Variants in DMRT1 observed in about 807,000 individuals in gnomAD.
DMRT1 encodes doublesex- and mab-3-related transcription factor 1.
DMRT1 carries 7 observed loss-of-function variants against 32.3 expected under a neutral mutation model. The ratio of observed to expected loss-of-function variants is 0.22; its 90% CI spans 0.12 to 0.41. The LOEUF is 0.41. DMRT1 is among the 10% of genes least tolerant of loss of function. DMRT1 has a pLI of 1.00. For missense variants in DMRT1, 625 were observed against 500.5 expected (o/e 1.25, Z -2.37); for synonymous variants, 278 against 206.1 (o/e 1.35, Z -2.99).
chr9:959,155 C>T (rs892118135), intron 4 of DMRT1, among the ~76,000 whole-genome samples: 3 of 152,224 alleles, frequency 2.0e-5, no homozygotes, highest in South Asian at 4.1e-4. Context: ...ATTTCAGAGA[C>T]GACTCGTAGA....
At chr9:886,281 A>T (rs1300874268) in intron 2 of DMRT1, among the ~76,000 whole-genome samples, 1 of 152,078 alleles carries the variant, frequency 6.6e-6, no homozygotes, top group East Asian at 1.9e-4. Flanking sequence ...TTTTGAGCGG[A>T]GTCTCGCTCT....
At chr9:883,853 A>G (rs932393930) in intron 2 of DMRT1, among the ~76,000 whole-genome samples, 2 of 151,996 alleles carry the variant, frequency 1.3e-5, no homozygotes, top group African/African-American at 2.4e-5. Context: ...AGCGCTCAAC[A>G]CAAAGTATTA....
chr9:931,785 T>A (rs1818735519), intron 4 of DMRT1, among the ~76,000 whole-genome samples: 1 of 152,224 alleles, frequency 6.6e-6, no homozygotes, highest in Non-Finnish European at 1.5e-5. Flanking sequence ...AAAGGCCCTG[T>A]CTCCAAATAC....
chr9:857,829 A>T (rs1337055668), intron 2 of DMRT1, among the ~76,000 whole-genome samples: 2 of 122,894 alleles, frequency 1.6e-5, no homozygotes, highest in African/African-American at 6.4e-5. Flanking sequence ...TCCTGTGTCC[A>T]TGTGTTCTCA....
intron 4 of DMRT1, among the ~76,000 whole-genome samples, chr9:933,470 T>C (rs755718069): frequency 1.3e-5 from 2 of 152,176 alleles, no homozygotes; most frequent in Non-Finnish European, 2.9e-5. Flanking sequence ...AAGCCGATGC[T>C]GAATAGAGAG....
intron 2 of DMRT1, among the ~76,000 whole-genome samples, chr9:850,921 C>T (rs113531001): frequency 6.6e-6 from 1 of 150,908 alleles, no homozygotes; most frequent in African/African-American, 2.4e-5. Flanking sequence ...CCCAGCTACT[C>T]GAGAGGCTGA....
chr9:852,384 T>C (rs1046538919), intron 2 of DMRT1, among the ~76,000 whole-genome samples: 6 of 150,696 alleles, frequency 4.0e-5, no homozygotes, highest in African/African-American at 9.8e-5. Flanking sequence ...TTTTGAACTT[T>C]AGCATAAAAT....
rs780064237 is a variant in DMRT1, at chr9:842,230, G to GTTTTTTTTTT, written c.354+52_354+61dup. The stretch of plus-strand genomic sequence containing the variant: ...GTGCGGGAGCCCGGGTTCAGCCTTA[G>GTTTTTTTTTT]TTTTTTTTTTTTTTTTTTTTTTTAG... On this transcript the variant is annotated intron_variant, in intron 1 of 4. Coordinates refer to ENST00000382276, the MANE Select transcript of DMRT1 (RefSeq NM_021951.3). 3.2e-5 allele frequency: 41 copies of GTTTTTTTTTT among 1,267,122 alleles called. 3 individuals are homozygous for GTTTTTTTTTT. In the African/African-American group the frequency reaches 6.7e-4, roughly 21 times the overall value. The allele number at this position is 1,267,122 out of a possible 1,614,324, so 78.5% of individuals were successfully genotyped here. A position where few individuals can be genotyped will look rare whatever the true frequency, so the allele number is the denominator to read the frequency against.
intron 2 of DMRT1, among the ~76,000 whole-genome samples, chr9:875,964 G>C (rs1384138674): frequency 1.3e-5 from 2 of 152,188 alleles, no homozygotes; most frequent in Non-Finnish European, 2.9e-5. Context: ...GATTGGCAGA[G>C]CTGTGTCACC....
In DMRT1 at chr9:885,968, C is replaced by G. The variant is rs146334500; in HGVS notation, c.539-7944C>G. Among the ~76,000 whole-genome samples, 758 of 152,268 alleles carry G rather than the reference C, an allele frequency of 5.0e-3. 7 individuals are homozygous for G. Among genetic ancestry groups the G allele is most frequent in the African/African-American group, 0.016 (683 of 41,564 alleles). On this transcript the variant is annotated intron_variant, in intron 2 of 4. Transcript: ENST00000382276. ...GCACATTCTCTTGAAAACAATGCTG[C>G]TAGCTTTCTGTTATTATTCATTAAG... is the stretch of plus-strand genomic sequence containing the variant.
intron 4 of DMRT1, among the ~76,000 whole-genome samples, chr9:937,507 T>A (rs765745374): frequency 2.0e-5 from 3 of 152,216 alleles, no homozygotes; most frequent in Non-Finnish European, 4.4e-5. Context: ...TCCCAACTCT[T>A]GTTGTTTTCC....
chr9:923,853 C>G (rs536048065), intron 4 of DMRT1, among the ~76,000 whole-genome samples: 1 of 152,118 alleles, frequency 6.6e-6, no homozygotes, highest in Non-Finnish European at 1.5e-5. Context: ...TTAGAAACGA[C>G]TTATTATTTG....
At chr9:853,905 C>G (rs1401808153) in intron 2 of DMRT1, among the ~76,000 whole-genome samples, 2 of 152,086 alleles carry the variant, frequency 1.3e-5, no homozygotes, top group East Asian at 3.9e-4. Context: ...AAACAATTCT[C>G]CCACCTCAGC....
chr9:873,136 T>C (rs754699514), intron 2 of DMRT1, among the ~76,000 whole-genome samples: 42 of 152,244 alleles, frequency 2.8e-4, no homozygotes, highest in Admixed American at 3.9e-4. Context: ...GTATTATTTG[T>C]GGTTCTGATT....
intron 4 of DMRT1, among the ~76,000 whole-genome samples, chr9:931,930 C>T (rs1043996101): frequency 7.2e-5 from 11 of 152,116 alleles, no homozygotes; most frequent in African/African-American, 2.4e-4. Context: ...GTAAAATGAA[C>T]GGAGTATGTT....
chr9:962,207 A>G (rs2130001596), intron 4 of DMRT1, among the ~76,000 whole-genome samples: 2 of 152,314 alleles, frequency 1.3e-5, no homozygotes, highest in South Asian at 4.2e-4. Flanking sequence ...AGTAAAAGTG[A>G]GTCAGCCCCT....
intron 3 of DMRT1, among the ~76,000 whole-genome samples, chr9:895,550 T>TA (rs377369230): frequency 2.0e-5 from 3 of 152,142 alleles, no homozygotes; most frequent in African/African-American, 4.8e-5. Context: ...GTATCATGGG[T>TA]AAAAAAAGTT....
intron 3 of DMRT1, among the ~76,000 whole-genome samples, chr9:908,932 C>T (rs1186017168): frequency 1.5e-4 from 23 of 152,080 alleles, no homozygotes; most frequent in Admixed American, 1.4e-3. Flanking sequence ...CAGCCCCACG[C>T]TTAGCACAGC....
intron 2 of DMRT1, among the ~76,000 whole-genome samples, chr9:872,102 C>G (rs1172535013): frequency 1.3e-5 from 2 of 151,256 alleles, no homozygotes; most frequent in Non-Finnish European, 2.9e-5. Context: ...CACTCTGTCA[C>G]CCAGGCTGGA....
Sources: allele counts gnomAD v4.1 joint callset (sites outside exome capture counted in the v4.1 genomes callset), GRCh38; gene constraint gnomAD v4.1.1; transcripts MANE v1.5; gene names NCBI Gene and HGNC (gene_info 2026-07-23, HGNC 2026-07-21).